The following GPR63 variants were observed in gnomAD, a reference collection of about 807,000 sequenced individuals.
The protein encoded by GPR63 is probable G protein-coupled receptor 63.
In GPR63, 12 loss-of-function variants were observed where a neutral mutation model predicts 23.1. That is an observed-to-expected ratio of 0.52 (90% CI 0.33 to 0.84). The LOEUF (loss-of-function observed/expected upper bound fraction) is 0.84. Among genes scored for constraint, GPR63 ranks in the 40% least tolerant of loss-of-function variants. The probability of loss-of-function intolerance (pLI) is 0.02; values close to 1 mark genes in which losing one functional copy is unlikely to be tolerated. For missense variants in GPR63, 472 were observed against 515.6 expected (o/e 0.92, Z 0.82); for synonymous variants, 172 against 191.1 (o/e 0.90, Z 0.82).
Position 96,798,771 on chromosome 6 carries a change from C to A in GPR63, c.961G>T (p.Ala321Ser). Residue 321 changes from alanine to serine, a missense_variant, in exon 2 of 2, where the codon GCT becomes TCT. Ala to Ser is a moderately conservative substitution (Grantham distance 99, BLOSUM62 1). Transcript: ENST00000229955. ...RAFTTILILF[A>S]VFIVCWAPFT... ...GGGGCCCAGCAGACAATGAAGACAG[C>A]AAAGAGAATCAAAATAGTGGTGAAG... 6.2e-7 allele frequency: 1 copy of A among 1,614,108 alleles called. No homozygotes were observed.
At chr6:96,826,491 T>C (rs1462476496) in intron 1 of GPR63, among the ~76,000 whole-genome samples, 1 of 152,172 alleles carries the variant, frequency 6.6e-6, no homozygotes, top group Non-Finnish European at 1.5e-5. Context: ...TTTGCTATCA[T>C]ATTGTAATAC....
At chr6:96,825,562 A>G (rs1166591519) in intron 1 of GPR63, among the ~76,000 whole-genome samples, 7 of 152,084 alleles carry the variant, frequency 4.6e-5, no homozygotes, top group Non-Finnish European at 1.0e-4. Context: ...ATGAGCAAAG[A>G]TCTTACCAAA....
chr6:96,815,825 C>A (rs1007743816), intron 1 of GPR63, among the ~76,000 whole-genome samples: 1 of 152,116 alleles, frequency 6.6e-6, no homozygotes, highest in Non-Finnish European at 1.5e-5. Flanking sequence ...AATAACTAGA[C>A]AAACTTTCAT....
At chr6:96,817,874 T>C (rs1454634359) in intron 1 of GPR63, among the ~76,000 whole-genome samples, 5 of 151,198 alleles carry the variant, frequency 3.3e-5, no homozygotes, top group Non-Finnish European at 5.9e-5. Context: ...GGTTCATATA[T>C]TCATTTTTTT....
At chr6:96,817,843 A>ACC (rs1469824612) in intron 1 of GPR63, among the ~76,000 whole-genome samples, 1 of 151,776 alleles carries the variant, frequency 6.6e-6, no homozygotes, top group African/African-American at 2.4e-5. Flanking sequence ...AGGAGTTATG[A>ACC]CTGGGAAAGG....
At chr6:96,803,518 G>A (rs1773823427) in intron 1 of GPR63, among the ~76,000 whole-genome samples, 1 of 152,210 alleles carries the variant, frequency 6.6e-6, no homozygotes, top group Non-Finnish European at 1.5e-5. Context: ...AGCATGAACA[G>A]ACTTAATAAT....
chr6:96,835,374 CATAA>C (rs1395200694), intron 1 of GPR63, among the ~76,000 whole-genome samples: 7 of 151,938 alleles, frequency 4.6e-5, no homozygotes, highest in Non-Finnish European at 1.0e-4. Flanking sequence ...AGTATGGATA[CATAA>C]ATATAGATAT....
chr6:96,816,419 C>T (rs540963052), intron 1 of GPR63, among the ~76,000 whole-genome samples: 66 of 152,224 alleles, frequency 4.3e-4, no homozygotes, highest in African/African-American at 1.5e-3. Context: ...TAGAGACTTC[C>T]GCTTCTAGCA....
At position 96,798,408 on chromosome 6, in the gene GPR63, G is replaced by A. The variant is rs905012435; in HGVS notation, c.*64C>T. 4 of 1,534,736 alleles carry A rather than the reference G, an allele frequency of 2.6e-6. No homozygotes were observed. Among genetic ancestry groups the A allele is most frequent in the South Asian group, 1.2e-5 (1 of 80,946 alleles). On this transcript the variant is annotated 3_prime_UTR_variant, in exon 2 of 2. Transcript: ENST00000229955. ...AAAAAAAATAAAGTGGAGAGGCTATGAGAAAGAGAATTCAATGTCAATAAA... is the reference window on the plus strand; with the variant it reads ...AAAAAAAATAAAGTGGAGAGGCTATAAGAAAGAGAATTCAATGTCAATAAA...
At position 96,798,869 on chromosome 6, in the gene GPR63, G is replaced by T; in HGVS notation, c.863C>A (p.Ala288Asp). 1 of 1,614,180 alleles carries T rather than the reference G, an allele frequency of 6.2e-7. No individual in the cohort carries two copies. The highest frequency in any genetic ancestry group is 8.5e-7 in the Non-Finnish European group (1 of 1,180,038). Residue 288 changes from alanine (A) to aspartate (D), a missense_variant, in exon 2 of 2, where the codon GCC becomes GAC. By Grantham distance (126) the Ala-to-Asp change is moderately radical. Coordinates refer to ENST00000229955, the MANE Select transcript of GPR63 (RefSeq NM_030784.4). ...SYPEGICLSQ[A>D]SKLGLMSLQR... ...CAGACTCATGAGACCCAGTTTGCTG[G>T]CCTGGCTGAGGCATATACCTTCAGG...
intron 1 of GPR63, among the ~76,000 whole-genome samples, chr6:96,806,854 C>G (rs1172742950): frequency 6.6e-6 from 1 of 152,102 alleles, no homozygotes; most frequent in Non-Finnish European, 1.5e-5. Flanking sequence ...AGAGGAGTTT[C>G]TTATGACCAG....
chr6:96,813,624 T>C (rs1302917876), intron 1 of GPR63, among the ~76,000 whole-genome samples: 1 of 152,216 alleles, frequency 6.6e-6, no homozygotes, highest in African/African-American at 2.4e-5. Flanking sequence ...AGAATGTGTA[T>C]TCTGTAGCTG....
At chr6:96,819,995 A>T (rs1042858465) in intron 1 of GPR63, among the ~76,000 whole-genome samples, 1 of 148,332 alleles carries the variant, frequency 6.7e-6, no homozygotes, top group Admixed American at 6.7e-5. Context: ...AAAAAAAACA[A>T]ACAACAACAA....
chr6:96,822,250 A>G (rs915954507), intron 1 of GPR63, among the ~76,000 whole-genome samples: 1 of 152,136 alleles, frequency 6.6e-6, no homozygotes, highest in Non-Finnish European at 1.5e-5. Context: ...AACGTACACC[A>G]TTTCAAAATA....
intron 1 of GPR63, among the ~76,000 whole-genome samples, chr6:96,836,061 G>C (rs1228306131): frequency 1.3e-5 from 2 of 151,980 alleles, no homozygotes; most frequent in African/African-American, 2.4e-5. Context: ...ACAAAATATA[G>C]GGACTTTTCA....
chr6:96,833,559 C>T, intron 1 of GPR63, among the ~76,000 whole-genome samples: 1 of 152,144 alleles, frequency 6.6e-6, no homozygotes, highest in East Asian at 1.9e-4. Context: ...CCAGCCTCCC[C>T]AAGGAAGATC....
intron 1 of GPR63, among the ~76,000 whole-genome samples, chr6:96,832,558 T>C (rs1311042882): frequency 6.6e-6 from 1 of 151,894 alleles, no homozygotes; most frequent in Non-Finnish European, 1.5e-5. Context: ...CAGGCATGAA[T>C]GGCCATGCCT....
chr6:96,819,095 G>A (rs1230785144), intron 1 of GPR63, among the ~76,000 whole-genome samples: 1 of 152,194 alleles, frequency 6.6e-6, no homozygotes, highest in African/African-American at 2.4e-5. Flanking sequence ...TTCAACTATT[G>A]TGGAAGACAA....
chr6:96,821,634 C>T (rs1774315195), intron 1 of GPR63, among the ~76,000 whole-genome samples: 1 of 152,188 alleles, frequency 6.6e-6, no homozygotes, highest in African/African-American at 2.4e-5. Flanking sequence ...ATCTGACTTA[C>T]TTGTTTTTCA....
Sources: allele counts gnomAD v4.1 joint callset (sites outside exome capture counted in the v4.1 genomes callset), GRCh38; gene constraint gnomAD v4.1.1; transcripts MANE v1.5; gene names NCBI Gene and HGNC (gene_info 2026-07-23, HGNC 2026-07-21).